The following SYK variants were observed in gnomAD, a reference collection of about 807,000 sequenced individuals.
SYK encodes tyrosine-protein kinase SYK.
Under a neutral mutation model 77.8 loss-of-function variants are expected in SYK, and 16 were observed. That is an observed-to-expected ratio of 0.21 (90% CI 0.14 to 0.31). The LOEUF (loss-of-function observed/expected upper bound fraction) is 0.31, where lower values mean the gene tolerates loss of function less well. Ranked by LOEUF, SYK falls within the 10% of genes least tolerant of loss-of-function variation. The pLI is 1.00. For synonymous variants in SYK, 312 were observed against 308.7 expected, an observed-to-expected ratio of 1.01 and a Z score of -0.11; for missense variants, 529 against 814.4, an observed-to-expected ratio of 0.65 and a Z score of 4.26.
intron 1 of SYK, among the ~76,000 whole-genome samples, chr9:90,819,716 C>T (rs1026301059): frequency 2.6e-5 from 4 of 152,058 alleles, no homozygotes; most frequent in Non-Finnish European, 5.9e-5. Flanking sequence ...GGGACACAGC[C>T]AAATCATATC....
At chr9:90,865,513 T>A (rs1390327434) in intron 6 of SYK, among the ~76,000 whole-genome samples, 1 of 152,138 alleles carries the variant, frequency 6.6e-6, no homozygotes, top group Non-Finnish European at 1.5e-5. Flanking sequence ...TTTGCCATTT[T>A]GGTCAGGCTG....
chr9:90,840,589 G>A (rs913751166), intron 1 of SYK, among the ~76,000 whole-genome samples: 3 of 150,872 alleles, frequency 2.0e-5, no homozygotes, highest in African/African-American at 7.3e-5. Context: ...GTAGAAAGGG[G>A]AAAGCAGTCC....
At chr9:90,824,221 A>G (rs1288585561) in intron 1 of SYK, among the ~76,000 whole-genome samples, 1 of 152,148 alleles carries the variant, frequency 6.6e-6, no homozygotes, top group Non-Finnish European at 1.5e-5. Context: ...GAATAGCCCT[A>G]TATCTTTAAA....
intron 13 of SYK, among the ~76,000 whole-genome samples, chr9:90,889,379 C>T (rs952302792): frequency 2.6e-5 from 4 of 152,200 alleles, no homozygotes; most frequent in Middle Eastern, 6.3e-3. Context: ...AGCTGAGAAT[C>T]GATGTGGTTT....
chr9:90,820,728 T>C (rs1284733065), intron 1 of SYK, among the ~76,000 whole-genome samples: 1 of 152,240 alleles, frequency 6.6e-6, no homozygotes, highest in Non-Finnish European at 1.5e-5. Context: ...ATCTTCCCCA[T>C]GGTCTTGGGG....
rs1434468269 is a variant in SYK at position 90,820,097 on chromosome 9, A to T, written c.-42+18204A>T. Among the ~76,000 whole-genome samples the T allele has an allele frequency of 2.6e-5, 4 of 152,186 alleles. No homozygotes were observed. In the East Asian group the frequency reaches 7.7e-4, roughly 29 times the overall value. On this transcript the variant is annotated intron_variant, in intron 1 of 13. Transcript: ENST00000375754. ...CAGCCAGGTCCCATTGATGCAAGAG[A>T]TGGGTTCCCATGGTCTTGGACAGCT...
intron 9 of SYK, among the ~76,000 whole-genome samples, chr9:90,875,706 T>A (rs1448733348): frequency 6.6e-6 from 1 of 152,230 alleles, no homozygotes; most frequent in African/African-American, 2.4e-5. Flanking sequence ...CAGATAACAA[T>A]ACATATTATA....
In SYK at chr9:90,814,836, A is replaced by G. The variant is rs1021630473; in HGVS notation, c.-42+12943A>G. Among the ~76,000 whole-genome samples the G allele has an allele frequency of 6.0e-3, 271 of 45,374 alleles. 1 individual carries two copies. The highest frequency in any genetic ancestry group is 0.017 in the African/African-American group (231 of 13,694). The allele number at this position is 45,374 out of a possible 152,430, so 29.8% of individuals were successfully genotyped here. Reference sequence around the variant, plus strand: ...CTCCTGCACAACACAACACACGTGCACACACACACACACACACACACACAC... The same window carrying G: ...CTCCTGCACAACACAACACACGTGCGCACACACACACACACACACACACAC... On this transcript the variant is annotated intron_variant, in intron 1 of 13. Coordinates refer to ENST00000375754, the MANE Select transcript of SYK (RefSeq NM_003177.7).
At chr9:90,829,579 G>A (rs1048574156) in intron 1 of SYK, among the ~76,000 whole-genome samples, 12 of 152,190 alleles carry the variant, frequency 7.9e-5, no homozygotes, top group Non-Finnish European at 1.3e-4. Flanking sequence ...GATGAAAGTG[G>A]AACTCTCGGA....
At chr9:90,888,730 G>C in intron 13 of SYK, 103 bp downstream of exon 13, 1 of 893,594 alleles carries the variant, frequency 1.1e-6, no homozygotes, top group Non-Finnish European at 1.6e-6. Flanking sequence ...TCATGAATCA[G>C]GAATGTGCCC....
At chr9:90,836,892 G>A (rs967554785) in intron 1 of SYK, among the ~76,000 whole-genome samples, 1 of 152,154 alleles carries the variant, frequency 6.6e-6, no homozygotes, top group Non-Finnish European at 1.5e-5. Flanking sequence ...AGATGGATGA[G>A]TCATCTTGTA....
chr9:90,853,434 C>T (rs1422867969), intron 3 of SYK, among the ~76,000 whole-genome samples: 1 of 151,652 alleles, frequency 6.6e-6, no homozygotes, highest in Non-Finnish European at 1.5e-5. Context: ...ATGTTTATTG[C>T]GGCACTATTC....
At chr9:90,815,582 G>T (rs562936588) in intron 1 of SYK, among the ~76,000 whole-genome samples, 1 of 152,350 alleles carries the variant, frequency 6.6e-6, no homozygotes, top group African/African-American at 2.4e-5. Context: ...GGGGAGCTTC[G>T]CCCCACCACC....
At chr9:90,843,163 C>T (rs1325238072) in intron 1 of SYK, among the ~76,000 whole-genome samples, 3 of 152,234 alleles carry the variant, frequency 2.0e-5, no homozygotes, top group East Asian at 3.9e-4. Flanking sequence ...CCTATGGGCC[C>T]CAGGCCTCGG....
chr9:90,839,582 T>C (rs1197595902), intron 1 of SYK, among the ~76,000 whole-genome samples: 1 of 152,158 alleles, frequency 6.6e-6, no homozygotes, highest in Non-Finnish European at 1.5e-5. Context: ...GATGTAATGA[T>C]TAGTGACAAG....
chr9:90,826,514 T>G (rs1825672337), intron 1 of SYK, among the ~76,000 whole-genome samples: 1 of 152,226 alleles, frequency 6.6e-6, no homozygotes, highest in African/African-American at 2.4e-5. Flanking sequence ...AAGTTTGGGG[T>G]GCAGGTGCAG....
chr9:90,816,491 C>T (rs1825297082), intron 1 of SYK, among the ~76,000 whole-genome samples: 1 of 152,144 alleles, frequency 6.6e-6, no homozygotes, highest in South Asian at 2.1e-4. Flanking sequence ...CGTTGTGTTT[C>T]CAAGGAGAAG....
chr9:90,887,872 G>C lies in SYK; in HGVS notation c.1705G>C (p.Gly569Arg). Residue 569 changes from glycine (G) to arginine (R), a missense_variant, in exon 12 of 14, where the codon GGG becomes CGG. Gly to Arg is a moderately radical substitution (Grantham distance 125). Coordinates refer to ENST00000375754, the MANE Select transcript of SYK (RefSeq NM_003177.7). ...GVLMWEAFSY[G>R]QKPYRGMKGS... Reference sequence around the variant, plus strand: ...GTTGATGTGGGAAGCATTCTCCTATGGGCAGAAGCCATATCGAGTGAGCCA... The same window carrying C: ...GTTGATGTGGGAAGCATTCTCCTATCGGCAGAAGCCATATCGAGTGAGCCA... 1 of 1,609,144 alleles carries C rather than the reference G, an allele frequency of 6.2e-7. No individual in the cohort carries two copies. Among genetic ancestry groups the C allele is most frequent in the East Asian group, 2.2e-5 (1 of 44,532 alleles).
At chr9:90,835,651 A>G (rs968126733) in intron 1 of SYK, among the ~76,000 whole-genome samples, 1 of 152,184 alleles carries the variant, frequency 6.6e-6, no homozygotes, top group African/African-American at 2.4e-5. Context: ...TTCCAACAGA[A>G]GCATCGGCAC....
Sources: gnomAD v4.1 joint callset for allele counts (sites outside exome capture counted in the v4.1 genomes callset) on GRCh38, gnomAD v4.1.1 for gene constraint, MANE v1.5 for transcripts, NCBI Gene and HGNC (gene_info 2026-07-23, HGNC 2026-07-21) for gene names.